DISC1: variants seen among roughly 807,000 people sequenced by gnomAD.
DISC1 encodes DISC1 scaffold protein.
A neutral mutation model predicts 84.5 loss-of-function variants in DISC1; 57 were observed. The ratio of observed to expected loss-of-function variants is 0.67; its 90% confidence interval spans 0.55 to 0.84. The LOEUF (loss-of-function observed/expected upper bound fraction) is 0.84. Among genes scored for constraint, DISC1 ranks in the 40% least tolerant of loss-of-function variants. The pLI is 0.00. For missense variants in DISC1, 1,000 were observed against 1,057.8 expected, an observed-to-expected ratio of 0.95 and a Z score of 0.76; for synonymous variants, 411 against 415.2, an observed-to-expected ratio of 0.99 and a Z score of 0.12.
chr1:231,755,352 A>G (rs1025895671), intron 4 of DISC1, among the ~76,000 whole-genome samples: 3 of 150,750 alleles, frequency 2.0e-5, no homozygotes, highest in Non-Finnish European at 4.4e-5. Flanking sequence ...CTTTCTCTTT[A>G]ATATTGTTGT....
rs999545414 is a variant in DISC1, at chr1:231,630,340, T to C, written c.67+3406T>C. Reference sequence around the variant, plus strand: ...TAGAATCATTCTTTTTTTTTCTTTTTTTAATTAAAAAAGATGGGGTCTCCT... The same window carrying C: ...TAGAATCATTCTTTTTTTTTCTTTTCTTAATTAAAAAAGATGGGGTCTCCT... On this transcript the variant is annotated intron_variant, in intron 1 of 12. Coordinates refer to ENST00000439617, the MANE Select transcript of DISC1 (RefSeq NM_018662.3). This position sits in a 1 kb window ranked among gnomAD's most constrained non-coding sequence, Gnocchi z 4.4. 3.3e-5 allele frequency among the ~76,000 whole-genome samples: 5 copies of C among 152,162 alleles called. No homozygotes were observed. Among genetic ancestry groups the C allele is most frequent in the Admixed American group, 2.6e-4 (4 of 15,282 alleles).
At chr1:231,707,162 T>C (rs533892463) in intron 3 of DISC1, among the ~76,000 whole-genome samples, 97 of 152,352 alleles carry the variant, frequency 6.4e-4, no homozygotes, top group African/African-American at 2.2e-3. Flanking sequence ...TGGGGGCCCA[T>C]GGAACATAAA....
intron 9 of DISC1, among the ~76,000 whole-genome samples, chr1:231,957,260 C>G (rs1297976381): frequency 2.6e-5 from 4 of 152,198 alleles, no homozygotes; most frequent in African/African-American, 9.6e-5. Context: ...CTACTCCATT[C>G]ACAAGATGCC....
Position 231,675,482 on chromosome 1 carries a change from C to T in DISC1, c.68-18344C>T, listed in dbSNP as rs563770350. 6.6e-6 allele frequency among the ~76,000 whole-genome samples: 1 copy of T among 152,252 alleles called. No homozygotes were observed. Among genetic ancestry groups the T allele is most frequent in the Admixed American group, 6.5e-5 (1 of 15,294 alleles). The stretch of plus-strand genomic sequence containing the variant: ...TTTTTGACCCTAAGAAATTAGTTCA[C>T]CTTATCATCAGATAGAGATGCTATT... On this transcript the variant is annotated intron_variant, in intron 1 of 12. Coordinates refer to ENST00000439617, the MANE Select transcript of DISC1 (RefSeq NM_018662.3). The surrounding 1 kb of genome is among the most constrained non-coding windows in gnomAD (Gnocchi z 4.1).
intron 9 of DISC1, among the ~76,000 whole-genome samples, chr1:231,834,801 G>T (rs1441908962): frequency 1.3e-5 from 2 of 152,132 alleles, no homozygotes; most frequent in African/African-American, 2.4e-5. Flanking sequence ...TGCCACTAAC[G>T]GTGAAGGACC....
At chr1:231,778,628 G>A (rs561187851) in intron 6 of DISC1, among the ~76,000 whole-genome samples, 2 of 152,162 alleles carry the variant, frequency 1.3e-5, no homozygotes, top group South Asian at 2.1e-4. Flanking sequence ...CTGGAAAGTC[G>A]TCATTACAGG....
intron 4 of DISC1, among the ~76,000 whole-genome samples, chr1:231,761,317 C>T (rs920480015): frequency 6.6e-6 from 1 of 152,202 alleles, no homozygotes; most frequent in Non-Finnish European, 1.5e-5. Flanking sequence ...GCAGCGACAT[C>T]AGGGATTACA....
intron 9 of DISC1, among the ~76,000 whole-genome samples, chr1:231,907,116 T>TTCTC (rs2088771519): frequency 1.7e-4 from 13 of 76,654 alleles, no homozygotes; most frequent in African/African-American, 8.1e-4. Flanking sequence ...CTCTCCTTCC[T>TTCTC]TCCTTCCTTC....
At chr1:232,026,292 T>C in intron 11 of DISC1, 143 bp from the exon 12 acceptor site, 1 of 618,872 alleles carries the variant, frequency 1.6e-6, no homozygotes, top group South Asian at 2.1e-5. Context: ...CTTCTCAAGT[T>C]TGATACCCAG....
intron 3 of DISC1, among the ~76,000 whole-genome samples, chr1:231,720,237 G>A (rs200937196): frequency 1.9e-4 from 29 of 152,226 alleles, no homozygotes; most frequent in African/African-American, 4.6e-4. Flanking sequence ...TTGGTTACTC[G>A]CAGGTACCCC....
At chr1:231,952,759 T>C (rs1356475333) in intron 9 of DISC1, among the ~76,000 whole-genome samples, 5 of 150,394 alleles carry the variant, frequency 3.3e-5, no homozygotes, top group Admixed American at 2.7e-4. Flanking sequence ...AGATTTATTT[T>C]ATGCTGATAT....
chr1:231,848,634 G>A (rs2083632388), intron 9 of DISC1, among the ~76,000 whole-genome samples: 2 of 152,134 alleles, frequency 1.3e-5, no homozygotes, highest in South Asian at 4.1e-4. Flanking sequence ...ATAATCTTGT[G>A]AGTTGACTAG....
At chr1:231,932,869 A>G (rs2090754148) in intron 9 of DISC1, among the ~76,000 whole-genome samples, 1 of 152,180 alleles carries the variant, frequency 6.6e-6, no homozygotes, top group Non-Finnish European at 1.5e-5. Flanking sequence ...GCAGCCTGTG[A>G]AAAAAATCGT....
chr1:231,711,357 CTTTTT>C (rs57262026), intron 3 of DISC1, among the ~76,000 whole-genome samples: 2 of 111,308 alleles, frequency 1.8e-5, no homozygotes, highest in Non-Finnish European at 3.8e-5. Flanking sequence ...GGACATATTT[CTTTTT>C]TTTTTTTTTT....
chr1:231,678,312 G>T (rs550728196), intron 1 of DISC1, among the ~76,000 whole-genome samples: 41 of 152,358 alleles, frequency 2.7e-4, no homozygotes, highest in Middle Eastern at 3.4e-3. Flanking sequence ...ACCCAGGGAA[G>T]TGTGGTGAGA....
At chr1:232,001,541 A>G (rs543323176) in intron 10 of DISC1, among the ~76,000 whole-genome samples, 1 of 152,340 alleles carries the variant, frequency 6.6e-6, no homozygotes, top group East Asian at 1.9e-4. Flanking sequence ...ATAATCCAAC[A>G]TATTATAAAT....
At chr1:232,026,649 A>C in intron 12 of DISC1, 97 bp downstream of exon 12, 1 of 804,932 alleles carries the variant, frequency 1.2e-6, no homozygotes, top group Non-Finnish European at 2.1e-6. Flanking sequence ...ATGGCAACAA[A>C]TAGATGCTGC....
intron 9 of DISC1, among the ~76,000 whole-genome samples, chr1:231,899,750 G>C (rs2087999413): frequency 6.6e-6 from 1 of 152,012 alleles, no homozygotes. Context: ...TTGTTTTCTG[G>C]CGAGTCTGTC....
At chr1:231,721,066 G>T in intron 3 of DISC1, 2 of 1,290,892 alleles carry the variant, frequency 1.5e-6, no homozygotes, top group Non-Finnish European at 2.0e-6. Context: ...CTTTTTTCCA[G>T]AGCCAGGTCT....
Sources: gnomAD v4.1 joint callset for allele counts (sites outside exome capture counted in the v4.1 genomes callset) on GRCh38, gnomAD v4.1.1 for gene constraint, Gnocchi (gnomAD v3.1) non-coding constraint, MANE v1.5 for transcripts, NCBI Gene and HGNC (gene_info 2026-07-23, HGNC 2026-07-21) for gene names.